Variants in RALGAPA2 observed in about 807,000 individuals in gnomAD.
The protein encoded by RALGAPA2 is ral GTPase-activating protein subunit alpha-2.
RALGAPA2 carries 139 observed loss-of-function variants against 230.4 expected under a neutral mutation model. The observed-to-expected ratio is 0.60, with a 90% CI of 0.53 to 0.69. The LOEUF is 0.69. RALGAPA2 is among the 30% of genes least tolerant of loss of function. The pLI is 0.00. For synonymous variants in RALGAPA2, 847 were observed against 837.8 expected, an observed-to-expected ratio of 1.01 and a Z score of -0.19; for missense variants, 2,163 against 2,276.0, an observed-to-expected ratio of 0.95 and a Z score of 1.01.
chr20:20,396,489 G>A (rs987384631), intron 39 of RALGAPA2, among the ~76,000 whole-genome samples: 2 of 152,240 alleles, frequency 1.3e-5, no homozygotes, highest in Non-Finnish European at 2.9e-5. Context: ...CCGAGTGCAC[G>A]GGCAGAAGAA....
chr20:20,497,195 A>G (rs746668414), intron 35 of RALGAPA2, among the ~76,000 whole-genome samples: 1 of 152,172 alleles, frequency 6.6e-6, no homozygotes, highest in Non-Finnish European at 1.5e-5. Context: ...CTCCATTCCT[A>G]TATTTGCTAC....
chr20:20,598,711 A>G (rs1415925424), intron 16 of RALGAPA2: 1 of 456,518 alleles, frequency 2.2e-6, no homozygotes, highest in South Asian at 1.6e-5. Flanking sequence ...AGAGTAAGAG[A>G]GACCAGGTAA....
intron 37 of RALGAPA2, among the ~76,000 whole-genome samples, chr20:20,459,209 C>T (rs2061243152): frequency 6.6e-6 from 1 of 152,092 alleles, no homozygotes; most frequent in African/African-American, 2.4e-5. Context: ...ACTGCACTCA[C>T]TAAAGCACTA....
chr20:20,623,373 C>G (rs997911729), intron 10 of RALGAPA2, among the ~76,000 whole-genome samples: 1 of 151,740 alleles, frequency 6.6e-6, no homozygotes, highest in Non-Finnish European at 1.5e-5. Flanking sequence ...TCCAGAAAAC[C>G]ATTACTAGAG....
At chr20:20,617,978 T>C (rs1176594089) in intron 12 of RALGAPA2, among the ~76,000 whole-genome samples, 2 of 152,198 alleles carry the variant, frequency 1.3e-5, no homozygotes, top group Non-Finnish European at 2.9e-5. Flanking sequence ...TCATTTAACG[T>C]CATCAATAGG....
At chr20:20,521,246 C>G (rs771549136) in intron 30 of RALGAPA2, 146 bp from the exon 31 acceptor site, 2 of 587,828 alleles carry the variant, frequency 3.4e-6, no homozygotes, top group Non-Finnish European at 5.7e-6. Flanking sequence ...TATCTTCTTG[C>G]TATTAGCAAA....
At chr20:20,458,873 TATACACAC>T (rs1569418372) in intron 37 of RALGAPA2, among the ~76,000 whole-genome samples, 14 of 134,522 alleles carry the variant, frequency 1.0e-4, no homozygotes, top group East Asian at 9.4e-4. Context: ...TATATATATA[TATACACAC>T]ACACAAATAA....
At chr20:20,490,902 T>TCA (rs2062036861) in intron 36 of RALGAPA2, among the ~76,000 whole-genome samples, 12 of 139,114 alleles carry the variant, frequency 8.6e-5, no homozygotes, top group East Asian at 4.2e-4. Flanking sequence ...ACACTCACAC[T>TCA]CACTCACTCA....
At chr20:20,681,266 T>G (rs973090533) in intron 1 of RALGAPA2, among the ~76,000 whole-genome samples, 2 of 152,272 alleles carry the variant, frequency 1.3e-5, no homozygotes, top group African/African-American at 4.8e-5. Flanking sequence ...CCCACCAACA[T>G]AACTCTCTGG....
intron 37 of RALGAPA2, among the ~76,000 whole-genome samples, chr20:20,418,004 T>C (rs1030436827): frequency 6.6e-6 from 1 of 152,076 alleles, no homozygotes; most frequent in Non-Finnish European, 1.5e-5. Flanking sequence ...AACCAAAACA[T>C]GAACCACAGG....
intron 16 of RALGAPA2, among the ~76,000 whole-genome samples, chr20:20,596,107 A>C (rs6137073): frequency 0.017 from 2,528 of 152,326 alleles, 94 homozygotes; most frequent in East Asian, 0.14. Flanking sequence ...TATTCATATT[A>C]ATGGAAACAG....
Position 20,606,901 on chromosome 20 carries a change from A to C in RALGAPA2, c.1801-1489T>G, listed in dbSNP as rs367933146. ...CATCCTTTAAAATTCAAATCCAAAT[A>C]TATCTTCCCTGAAAGAAGTGCCTCT... On this transcript the variant is annotated intron_variant, in intron 14 of 39. Coordinates refer to ENST00000202677, the MANE Select transcript of RALGAPA2 (RefSeq NM_020343.4). Among the ~76,000 whole-genome samples the C allele has an allele frequency of 3.3e-5, 5 of 152,144 alleles. No homozygotes were observed. The East Asian group carries it at 7.7e-4, about 23-fold the overall frequency.
At chr20:20,630,464 T>C (rs1245759563) in intron 9 of RALGAPA2, among the ~76,000 whole-genome samples, 1 of 152,114 alleles carries the variant, frequency 6.6e-6, no homozygotes, top group Non-Finnish European at 1.5e-5. Context: ...AAAACAGATA[T>C]CCAATAGTAA....
At chr20:20,473,517 C>G (rs1236258555) in intron 36 of RALGAPA2, among the ~76,000 whole-genome samples, 1 of 152,092 alleles carries the variant, frequency 6.6e-6, no homozygotes, top group African/African-American at 2.4e-5. Flanking sequence ...GGGTCTCCTT[C>G]TCTCACCCAA....
intron 3 of RALGAPA2, among the ~76,000 whole-genome samples, chr20:20,657,468 C>T (rs368785668): frequency 6.6e-6 from 1 of 152,228 alleles, no homozygotes. Context: ...TCTATGTGTG[C>T]CACAATAATC....
At chr20:20,407,721 G>A (rs1038342157) in intron 38 of RALGAPA2, among the ~76,000 whole-genome samples, 2 of 152,196 alleles carry the variant, frequency 1.3e-5, no homozygotes, top group African/African-American at 4.8e-5. Context: ...TTAACATAAC[G>A]ACTGTGTTGT....
chr20:20,398,961 TAC>T lies in RALGAPA2; in HGVS notation c.5618-2229_5618-2228del, dbSNP rs1239657448. Among the ~76,000 whole-genome samples the T allele has an allele frequency of 2.0e-5, 3 of 152,170 alleles. No homozygotes were observed. Among genetic ancestry groups the T allele is most frequent in the African/African-American group, 4.8e-5 (2 of 41,444 alleles). On this transcript the variant is annotated intron_variant, in intron 38 of 39. Coordinates refer to ENST00000202677, the MANE Select transcript of RALGAPA2 (RefSeq NM_020343.4). This position sits in a 1 kb window ranked among gnomAD's most constrained non-coding sequence, Gnocchi z 4.5. Reference sequence around the variant, plus strand: ...GGTCTAAGTACTGTAAGTAAACAGATACACAGTGTTTCTGTGGTGTTTCAGGG... The same window carrying T: ...GGTCTAAGTACTGTAAGTAAACAGATACAGTGTTTCTGTGGTGTTTCAGGG...
rs1426326514 is a variant in RALGAPA2, at chr20:20,712,314, G to A, written c.106+61C>T. The A allele has an allele frequency of 1.1e-5, 15 of 1,410,626 alleles. No homozygotes were observed. Among genetic ancestry groups the A allele is most frequent in the Non-Finnish European group, 1.4e-5 (15 of 1,049,670 alleles). 87.4% of individuals were successfully genotyped at this position (1,410,626 alleles called of 1,614,324 possible). A position where few individuals can be genotyped will look rare whatever the true frequency, so the allele number is the denominator to read the frequency against. ...GCCACCGACCCCTGCACAGAGGAGC[G>A]CCCTCCCGGCAGGTGCCCCTAACCC... On this transcript the variant is annotated intron_variant, in intron 1 of 39. Transcript: ENST00000202677. The surrounding 1 kb of genome is among the most constrained non-coding windows in gnomAD (Gnocchi z 5.5).
chr20:20,459,220 C>T (rs1301332145), intron 37 of RALGAPA2, among the ~76,000 whole-genome samples: 9 of 152,072 alleles, frequency 5.9e-5, no homozygotes, highest in Admixed American at 5.9e-4. Context: ...TAAAGCACTA[C>T]TGATATCCTA....
Sources: allele counts gnomAD v4.1 joint callset (sites outside exome capture counted in the v4.1 genomes callset), GRCh38; gene constraint gnomAD v4.1.1; non-coding constraint Gnocchi (gnomAD v3.1); transcripts MANE v1.5; gene names NCBI Gene and HGNC (gene_info 2026-07-23, HGNC 2026-07-21).